NFATC2: variants seen among roughly 807,000 people sequenced by gnomAD.
NFATC2 encodes the protein nuclear factor of activated T-cells, cytoplasmic 2.
In NFATC2, 22 loss-of-function variants were observed where a neutral mutation model predicts 87.3. The ratio of observed to expected loss-of-function variants is 0.25; its 90% CI spans 0.18 to 0.36. The LOEUF (loss-of-function observed/expected upper bound fraction) is 0.36, where lower values mean the gene tolerates loss of function less well. NFATC2 is among the 10% of genes least tolerant of loss of function. The pLI is 1.00. For missense variants in NFATC2, 1,149 were observed against 1,259.1 expected (o/e 0.91, Z 1.32); for synonymous variants, 565 against 542.2 (o/e 1.04, Z -0.58).
chr20:51,472,729 G>A (rs571447460), intron 5 of NFATC2, among the ~76,000 whole-genome samples: 5 of 143,032 alleles, frequency 3.5e-5, no homozygotes, highest in South Asian at 4.6e-4. Flanking sequence ...TCCACCTCCC[G>A]GATTCAAGTG....
chr20:51,520,126 G>A lies in NFATC2; in HGVS notation c.1160+2955C>T, dbSNP rs6096457. The stretch of plus-strand genomic sequence containing the variant: ...GGTTGGTACTTGTGAGGAACTAAAG[G>A]ACTCTGACACTCAAAACCTCTCTGA... On this transcript the variant is annotated intron_variant, in intron 2 of 10. Transcript: ENST00000371564. Among the ~76,000 whole-genome samples, 461 of 152,240 alleles carry A rather than the reference G, an allele frequency of 3.0e-3. 1 individual carries two copies. Among genetic ancestry groups the A allele is most frequent in the African/African-American group, 0.011 (437 of 41,538 alleles).
At chr20:51,417,702 G>A (rs948724511) in intron 9 of NFATC2, among the ~76,000 whole-genome samples, 5 of 152,344 alleles carry the variant, frequency 3.3e-5, no homozygotes, top group African/African-American at 1.2e-4. Context: ...AGCTCTGCCA[G>A]CAGGGAGGCC....
intron 3 of NFATC2, among the ~76,000 whole-genome samples, chr20:51,485,414 G>A (rs985312975): frequency 9.2e-5 from 14 of 152,278 alleles, no homozygotes; most frequent in Admixed American, 2.6e-4. Context: ...ACCCAGCCAC[G>A]GGCTCCCTAC....
At chr20:51,490,490 T>C (rs1388049371) in intron 3 of NFATC2, among the ~76,000 whole-genome samples, 1 of 152,238 alleles carries the variant, frequency 6.6e-6, no homozygotes, top group Non-Finnish European at 1.5e-5. Context: ...ATTCCTGATC[T>C]TCTACTGGAC....
chr20:51,400,743 C>T (rs1987944866), intron 9 of NFATC2, among the ~76,000 whole-genome samples: 1 of 152,204 alleles, frequency 6.6e-6, no homozygotes, highest in South Asian at 2.1e-4. Context: ...CTCTGCCTTC[C>T]TTCATCCTCA....
At chr20:51,406,844 G>A (rs918724774) in intron 9 of NFATC2, among the ~76,000 whole-genome samples, 3 of 152,188 alleles carry the variant, frequency 2.0e-5, no homozygotes, top group African/African-American at 7.2e-5. Flanking sequence ...AGGAGTCAGT[G>A]GCTTCCACAG....
At chr20:51,543,568 G>A (rs960161668), upstream of NFATC2, among the ~76,000 whole-genome samples, 1 of 152,192 alleles carries the variant, frequency 6.6e-6, no homozygotes, top group Non-Finnish European at 1.5e-5. Context: ...TGGGTGTGCT[G>A]GAGGGAGAAC....
At chr20:51,538,862 A>G (rs183684208) in intron 1 of NFATC2, among the ~76,000 whole-genome samples, 1 of 152,328 alleles carries the variant, frequency 6.6e-6, no homozygotes, top group East Asian at 1.9e-4. Flanking sequence ...TGACTTGCTC[A>G]AGATCACCTT....
rs776759175 is a variant in NFATC2, at chr20:51,422,176, C to T, written c.2722+9891G>A. Among the ~76,000 whole-genome samples the T allele has an allele frequency of 7.9e-5, 12 of 152,232 alleles. No individual in the cohort carries two copies. The South Asian group carries it at 1.0e-3, about 13-fold the overall frequency. On this transcript the variant is annotated intron_variant, in intron 9 of 10. Transcript: ENST00000371564. ...GCCTGGGACTTAAGTCCAAACTGCTCGCAACAGACAGTCCTGCCATAAAAC... is the reference window on the plus strand; with the variant it reads ...GCCTGGGACTTAAGTCCAAACTGCTTGCAACAGACAGTCCTGCCATAAAAC...
chr20:51,432,437 C>A lies in NFATC2; in HGVS notation c.2352G>T (p.Val784=). The A allele has an allele frequency of 1.3e-6, 2 of 1,580,866 alleles. No individual in the cohort carries two copies. The highest frequency in any genetic ancestry group is 8.6e-7 in the Non-Finnish European group (1 of 1,161,798). ...GGCCCTGGGAGCCGGCGTGCACCAG[C>A]ACAGAGCGGTGAGCGTCCGCAAGGG... is the stretch of plus-strand genomic sequence containing the variant. ...PLSLADAHRS[V]LVHAGSQGQS... is the part of the protein sequence containing the mutation. The change falls in exon 9 of 11, where the codon GTG becomes GTT. Residue 784 remains valine (V), a synonymous_variant. Coordinates refer to ENST00000371564, the MANE Select transcript of NFATC2 (RefSeq NM_012340.5). This position sits in a 1 kb window ranked among gnomAD's most constrained non-coding sequence, Gnocchi z 4.6.
intron 3 of NFATC2, among the ~76,000 whole-genome samples, chr20:51,505,002 T>C (rs1157167426): frequency 1.5e-5 from 1 of 64,668 alleles, no homozygotes; most frequent in Admixed American, 1.3e-4. Context: ...CTAGTTCCTT[T>C]TTTTTTTTTT....
At chr20:51,451,630 C>T (rs766088160) in intron 6 of NFATC2, among the ~76,000 whole-genome samples, 1 of 152,212 alleles carries the variant, frequency 6.6e-6, no homozygotes. Context: ...GGGTGGCGGG[C>T]GAGAGAGCAA....
intron 9 of NFATC2, among the ~76,000 whole-genome samples, chr20:51,422,206 T>C (rs1981028659): frequency 6.6e-6 from 1 of 152,172 alleles, no homozygotes; most frequent in Admixed American, 6.5e-5. Flanking sequence ...TAAAACCAAG[T>C]TGGGGTGCTC....
At chr20:51,427,759 T>C (rs1331532265) in intron 9 of NFATC2, among the ~76,000 whole-genome samples, 1 of 152,146 alleles carries the variant, frequency 6.6e-6, no homozygotes, top group Non-Finnish European at 1.5e-5. Context: ...AGGCCGCCTC[T>C]TCAGAGTGGC....
intron 1 of NFATC2, among the ~76,000 whole-genome samples, chr20:51,540,667 T>TTTTTTTTTTTTTTTTTTTTTTTA (rs1555818370): frequency 1.4e-5 from 2 of 147,232 alleles, no homozygotes; most frequent in African/African-American, 5.1e-5. Flanking sequence ...TGTTTTTTTT[T>TTTTTTTTTTTTTTTTTTTTTTTA]TTTTGAGAAA....
intron 9 of NFATC2, among the ~76,000 whole-genome samples, chr20:51,402,892 G>A (rs1988196285): frequency 6.6e-6 from 1 of 152,100 alleles, no homozygotes; most frequent in Admixed American, 6.5e-5. Context: ...ATACCAACAT[G>A]GCCCCTGATT....
At chr20:51,392,898 G>A (rs536201779) in intron 10 of NFATC2, among the ~76,000 whole-genome samples, 45 of 152,176 alleles carry the variant, frequency 3.0e-4, no homozygotes, top group Non-Finnish European at 5.3e-4. Context: ...TGAATGAACC[G>A]GGTTTGATTC....
At chr20:51,434,103 C>T (rs1983205586) in intron 8 of NFATC2, among the ~76,000 whole-genome samples, 1 of 152,188 alleles carries the variant, frequency 6.6e-6, no homozygotes, top group South Asian at 2.1e-4. Context: ...TGAACCCTGC[C>T]CTGATAGAGT....
chr20:51,562,165 G>A lies in NFATC2; in HGVS notation c.70+395C>T, dbSNP rs533290529. ...GCCTGTTCTCTTAAAAGAAAAAAAA[G>A]TAATAATAATAATACTGCAGCGTTA... On this transcript the variant is annotated intron_variant, in intron 1 of 10. Transcript: ENST00000414705. This position sits in a 1 kb window ranked among gnomAD's most constrained non-coding sequence, Gnocchi z 5.8. Among the ~76,000 whole-genome samples, 31 of 152,320 alleles carry A rather than the reference G, an allele frequency of 2.0e-4. No individual in the cohort carries two copies. The highest frequency in any genetic ancestry group is 4.0e-4 in the Non-Finnish European group (27 of 68,018).
Sources: gnomAD v4.1 joint callset for allele counts (sites outside exome capture counted in the v4.1 genomes callset) on GRCh38, gnomAD v4.1.1 for gene constraint, Gnocchi (gnomAD v3.1) non-coding constraint, MANE v1.5 for transcripts, NCBI Gene and HGNC (gene_info 2026-07-23, HGNC 2026-07-21) for gene names.